The following ARHGEF11 variants were observed in gnomAD, a reference collection of about 807,000 sequenced individuals.
The protein encoded by ARHGEF11 is Rho guanine nucleotide exchange factor 11.
ARHGEF11 carries 55 observed loss-of-function variants against 193.7 expected under a neutral mutation model. The ratio of observed to expected loss-of-function variants is 0.28; its 90% CI spans 0.23 to 0.36. The LOEUF (loss-of-function observed/expected upper bound fraction) is 0.36. Among genes scored for constraint, ARHGEF11 ranks in the 10% least tolerant of loss-of-function variants. The pLI, the probability that ARHGEF11 is intolerant of heterozygous loss-of-function variation, is 1.00. For synonymous variants in ARHGEF11, 693 were observed against 768.0 expected (o/e 0.90, Z 1.62); for missense variants, 1,723 against 2,005.6 (o/e 0.86, Z 2.69).
intron 5 of ARHGEF11, 44 bp downstream of exon 5, chr1:156,979,185 A>G (rs1557894034): frequency 6.3e-7 from 1 of 1,591,856 alleles, no homozygotes; most frequent in Non-Finnish European, 8.6e-7. Flanking sequence ...TCCCTCTCGG[A>G]TCATCTGCTT....
intron 3 of ARHGEF11, among the ~76,000 whole-genome samples, chr1:156,982,124 C>T (rs1664269440): frequency 2.0e-5 from 3 of 151,854 alleles, no homozygotes; most frequent in South Asian, 4.2e-4. Flanking sequence ...TAGAAACTAA[C>T]GTTAAAGACA....
In ARHGEF11 at chr1:156,977,057, A is replaced by G. The variant is rs1399964510; in HGVS notation, c.511-3T>C. ...GCATGTTTTTGAACTTCGGGATCCTAGACATGGAAAATATGGCAATATAAG... is the reference window on the plus strand; with the variant it reads ...GCATGTTTTTGAACTTCGGGATCCTGGACATGGAAAATATGGCAATATAAG... On this transcript the variant is annotated splice_region_variant and splice_polypyrimidine_tract_variant and intron_variant, in intron 6 of 40. Coordinates refer to ENST00000368194, the MANE Select transcript of ARHGEF11 (RefSeq NM_198236.3). The G allele has an allele frequency of 1.2e-6, 2 of 1,613,806 alleles. No individual in the cohort carries two copies. The highest frequency in any genetic ancestry group is 2.2e-5 in the South Asian group (2 of 91,084).
At chr1:157,030,886 C>T (rs1328805159) in intron 1 of ARHGEF11, among the ~76,000 whole-genome samples, 1 of 152,020 alleles carries the variant, frequency 6.6e-6, no homozygotes, top group African/African-American at 2.4e-5. Context: ...ATCATCACTG[C>T]ACTCTTATCT....
chr1:156,965,782 C>T (rs1291419584), intron 11 of ARHGEF11, among the ~76,000 whole-genome samples: 1 of 152,122 alleles, frequency 6.6e-6, no homozygotes, highest in African/African-American at 2.4e-5. Context: ...GCCTGCATAA[C>T]TCTAGATTTA....
rs541854001 is a variant in ARHGEF11, at chr1:157,014,759, G to A, written c.33-28586C>T. Among the ~76,000 whole-genome samples the A allele has an allele frequency of 2.0e-5, 3 of 152,314 alleles. No homozygotes were observed. The South Asian group carries it at 6.2e-4, about 32-fold the overall frequency. ...AACAGCCCCTCAACTGAGAAGTTCA[G>A]AGCATTTTCTTTTCCAGATCTCATC... On this transcript the variant is annotated intron_variant, in intron 1 of 40. Transcript: ENST00000368194.
intron 1 of ARHGEF11, among the ~76,000 whole-genome samples, chr1:156,996,633 C>T (rs985626850): frequency 2.6e-5 from 4 of 151,432 alleles, no homozygotes; most frequent in South Asian, 4.2e-4. Context: ...ATTAGCCGGG[C>T]GTGGTAGCGG....
chr1:156,969,879 T>G, intron 9 of ARHGEF11, 119 bp downstream of exon 9: 2 of 980,048 alleles, frequency 2.0e-6, no homozygotes, highest in Admixed American at 4.2e-5. Context: ...TTATTTCATT[T>G]CTCAGAGGGC....
intron 1 of ARHGEF11, among the ~76,000 whole-genome samples, chr1:157,019,005 T>C (rs1396076731): frequency 6.6e-6 from 1 of 152,190 alleles, no homozygotes; most frequent in Admixed American, 6.5e-5. Context: ...CAGATTTAAA[T>C]GTAAGAGCTA....
intron 37 of ARHGEF11, 149 bp from the exon 38 acceptor site, chr1:156,938,662 T>C (rs1656065289): frequency 3.2e-6 from 2 of 633,924 alleles, no homozygotes; most frequent in Non-Finnish European, 5.4e-6. Flanking sequence ...TCATACACGA[T>C]GACATCCCAG....
chr1:156,998,884 G>A (rs1167999393), intron 1 of ARHGEF11, among the ~76,000 whole-genome samples: 1 of 152,222 alleles, frequency 6.6e-6, no homozygotes, highest in Non-Finnish European at 1.5e-5. Flanking sequence ...GAAGCCAGGA[G>A]ACCTAGATAT....
chr1:156,984,246 C>A (rs929205934), intron 3 of ARHGEF11, 93 bp downstream of exon 3: 2 of 1,012,948 alleles, frequency 2.0e-6, no homozygotes, highest in East Asian at 2.7e-5. Flanking sequence ...TTCATTCATG[C>A]CCCACAGGAA....
chr1:157,029,402 G>GC (rs1249945733), intron 1 of ARHGEF11, among the ~76,000 whole-genome samples: 1 of 152,058 alleles, frequency 6.6e-6, no homozygotes, highest in African/African-American at 2.4e-5. Flanking sequence ...CTCCTGAGTA[G>GC]CTGGGACTAC....
chr1:156,970,662 A>G (rs753109903), intron 8 of ARHGEF11, among the ~76,000 whole-genome samples: 3 of 152,220 alleles, frequency 2.0e-5, no homozygotes, highest in Non-Finnish European at 2.9e-5. Context: ...AGACCTTCAG[A>G]TTCCAAGCTT....
chr1:157,014,310 G>A (rs1186372934), intron 1 of ARHGEF11, among the ~76,000 whole-genome samples: 1 of 152,030 alleles, frequency 6.6e-6, no homozygotes, highest in Non-Finnish European at 1.5e-5. Flanking sequence ...TCTAGTTCAA[G>A]CTCAAATCTC....
chr1:156,940,251 C>T lies in ARHGEF11; in HGVS notation c.3689G>A (p.Gly1230Asp), dbSNP rs752258483. ...AGCGAGCCCTTCCATGAACAGAGGGCCTGGGAAGGCCAAGTGGATGGGGTT... is the reference window on the plus strand; with the variant it reads ...AGCGAGCCCTTCCATGAACAGAGGGTCTGGGAAGGCCAAGTGGATGGGGTT... ...TRNPIHLAFP[G>D]PLFMEGLADS... The change falls in exon 36 of 41, where the codon GGC becomes GAC. Residue 1230 changes from glycine to aspartate, a missense_variant. By Grantham distance (94) the Gly-to-Asp change is moderately conservative (BLOSUM62 -1). Transcript: ENST00000368194. The T allele has an allele frequency of 1.2e-6, 2 of 1,608,978 alleles. No homozygotes were observed. The highest frequency in any genetic ancestry group is 1.7e-5 in the Admixed American group (1 of 59,842).
At chr1:157,009,923 T>TG (rs1668347493) in intron 1 of ARHGEF11, among the ~76,000 whole-genome samples, 1 of 152,248 alleles carries the variant, frequency 6.6e-6, no homozygotes, top group Non-Finnish European at 1.5e-5. Flanking sequence ...AACATGAACC[T>TG]GCTGCCTGGA....
chr1:156,940,739 G>A (rs1374196942), intron 35 of ARHGEF11, among the ~76,000 whole-genome samples: 1 of 152,218 alleles, frequency 6.6e-6, no homozygotes, highest in African/African-American at 2.4e-5. Flanking sequence ...AGGGCATGGG[G>A]CTAGGGGCTG....
intron 35 of ARHGEF11, among the ~76,000 whole-genome samples, chr1:156,941,144 G>T (rs190292079): frequency 3.5e-4 from 54 of 152,312 alleles, no homozygotes; most frequent in African/African-American, 1.3e-3. Context: ...GAGAGGCTGG[G>T]TGGGAATTTC....
chr1:157,013,280 CA>C (rs1668780188), intron 1 of ARHGEF11, among the ~76,000 whole-genome samples: 1 of 149,260 alleles, frequency 6.7e-6, no homozygotes, highest in Non-Finnish European at 1.5e-5. Flanking sequence ...CACACACACA[CA>C]CACACACACA....
Sources: gnomAD v4.1 joint callset for allele counts (sites outside exome capture counted in the v4.1 genomes callset) on GRCh38, gnomAD v4.1.1 for gene constraint, MANE v1.5 for transcripts, NCBI Gene and HGNC (gene_info 2026-07-23, HGNC 2026-07-21) for gene names.